The following THSD4 variants were observed in gnomAD, a reference collection of about 807,000 sequenced individuals.
THSD4 encodes thrombospondin type 1 domain containing 4.
Under a neutral mutation model 119.0 loss-of-function variants are expected in THSD4, and 69 were observed. That is an observed-to-expected ratio of 0.58 (90% CI 0.48 to 0.71). The LOEUF (loss-of-function observed/expected upper bound fraction) is 0.71, where lower values mean the gene tolerates loss of function less well. THSD4 is among the 30% of genes least tolerant of loss of function. THSD4 has a pLI of 0.00. For missense variants in THSD4, 1,393 were observed against 1,391.1 expected (o/e 1.00, Z -0.02); for synonymous variants, 524 against 540.4 (o/e 0.97, Z 0.42).
chr15:71,268,871 GATAAATTCCTGGATGA>G (rs1426890469), intron 6 of THSD4, among the ~76,000 whole-genome samples: 3 of 152,070 alleles, frequency 2.0e-5, no homozygotes, highest in African/African-American at 7.2e-5. Context: ...AGAAGAAATG[GATAAATTCCTGGATGA>G]ATACACCCTT....
At chr15:71,322,527 T>C (rs1043253336) in intron 6 of THSD4, among the ~76,000 whole-genome samples, 1 of 152,180 alleles carries the variant, frequency 6.6e-6, no homozygotes, top group Non-Finnish European at 1.5e-5. Flanking sequence ...TTCTAAAACC[T>C]AGTGGCTTAA....
At chr15:71,749,004 T>C (rs1243333060) in intron 14 of THSD4, among the ~76,000 whole-genome samples, 1 of 152,176 alleles carries the variant, frequency 6.6e-6, no homozygotes, top group Non-Finnish European at 1.5e-5. Flanking sequence ...CCATGGGAAG[T>C]CTCAGGTGTC....
intron 6 of THSD4, among the ~76,000 whole-genome samples, chr15:71,384,663 A>G (rs145030166): frequency 1.2e-3 from 187 of 152,326 alleles, no homozygotes; most frequent in African/African-American, 4.1e-3. Context: ...CTGCACATCA[A>G]TAGGCTTCCC....
intron 7 of THSD4, among the ~76,000 whole-genome samples, chr15:71,455,734 T>C (rs1458051679): frequency 6.6e-6 from 1 of 152,058 alleles, no homozygotes; most frequent in Non-Finnish European, 1.5e-5. Flanking sequence ...TTAGAAGCAC[T>C]GAGGAGGGGG....
At chr15:71,097,422 A>C (rs1415174702) in intron 1 of THSD4, among the ~76,000 whole-genome samples, 1 of 151,964 alleles carries the variant, frequency 6.6e-6, no homozygotes, top group East Asian at 1.9e-4. Flanking sequence ...AAAATTAGCC[A>C]GACAGTGGTG....
intron 8 of THSD4, among the ~76,000 whole-genome samples, chr15:71,710,219 A>G (rs1567112821): frequency 6.6e-6 from 1 of 152,244 alleles, no homozygotes; most frequent in Non-Finnish European, 1.5e-5. Context: ...GCCCCCCTCC[A>G]TTCCATTCCA....
intron 10 of THSD4, among the ~76,000 whole-genome samples, chr15:71,736,180 A>T (rs968544967): frequency 0.022 from 483 of 22,372 alleles, no homozygotes; most frequent in African/African-American, 0.039. Context: ...TCTCTCTCAC[A>T]CTCTGTCTCT....
At chr15:71,604,818 A>C (rs1034262000) in intron 7 of THSD4, among the ~76,000 whole-genome samples, 3 of 122,706 alleles carry the variant, frequency 2.4e-5, no homozygotes, top group African/African-American at 8.7e-5. Flanking sequence ...AGTGAAAACA[A>C]AAACAAAAAC....
intron 7 of THSD4, among the ~76,000 whole-genome samples, chr15:71,641,537 T>C (rs1177937562): frequency 6.6e-6 from 1 of 152,160 alleles, no homozygotes. Context: ...AGAAAGGTTA[T>C]GCGTCTTGCC....
intron 6 of THSD4, among the ~76,000 whole-genome samples, chr15:71,332,693 C>T (rs972467221): frequency 2.0e-5 from 3 of 151,986 alleles, no homozygotes; most frequent in Non-Finnish European, 4.4e-5. Context: ...TGACAGCAGA[C>T]GTCTCTCTCT....
At chr15:71,151,044 G>A (rs116806863) in intron 2 of THSD4, among the ~76,000 whole-genome samples, 1 of 152,224 alleles carries the variant, frequency 6.6e-6, no homozygotes, top group African/African-American at 2.4e-5. Flanking sequence ...TATGTGAGAC[G>A]GTAAATGCTA....
At position 71,211,431 on chromosome 15, in the gene THSD4, G is replaced by C. The variant is rs147712290; in HGVS notation, c.100-3604G>C. Among the ~76,000 whole-genome samples the C allele has an allele frequency of 4.3e-3, 654 of 152,234 alleles. 3 individuals carry two copies. Among genetic ancestry groups the C allele is most frequent in the African/African-American group, 0.013 (554 of 41,536 alleles). On this transcript the variant is annotated intron_variant, in intron 3 of 17. Coordinates refer to ENST00000261862, the MANE Select transcript of THSD4 (RefSeq NM_024817.3). ...CCTTCTCCCTGTGTTCTCATATGGT[G>C]GGGTGGGGAGTGGGGCTAAGAGAGA...
chr15:71,764,125 G>C (rs1412206056), intron 15 of THSD4, among the ~76,000 whole-genome samples: 2 of 150,320 alleles, frequency 1.3e-5, no homozygotes, highest in African/African-American at 4.9e-5. Flanking sequence ...GCACACCTGT[G>C]GTCCCAGCTA....
intron 8 of THSD4, among the ~76,000 whole-genome samples, chr15:71,700,032 A>G (rs1356479101): frequency 1.3e-5 from 2 of 152,228 alleles, no homozygotes; most frequent in Non-Finnish European, 2.9e-5. Flanking sequence ...GAAACAAGAG[A>G]GCCAATCCTA....
At chr15:71,442,576 A>G (rs2047113605) in intron 7 of THSD4, among the ~76,000 whole-genome samples, 1 of 60,768 alleles carries the variant, frequency 1.6e-5, no homozygotes, top group Admixed American at 2.1e-4. Flanking sequence ...CTCAAAAAAA[A>G]AAAATATATA....
At chr15:71,472,091 G>A (rs1209159883) in intron 7 of THSD4, among the ~76,000 whole-genome samples, 1 of 151,978 alleles carries the variant, frequency 6.6e-6, no homozygotes, top group Non-Finnish European at 1.5e-5. Context: ...AATTTTTAAA[G>A]CTTTTTGTAG....
At chr15:71,189,866 G>C (rs951983842) in intron 3 of THSD4, among the ~76,000 whole-genome samples, 2 of 152,156 alleles carry the variant, frequency 1.3e-5, no homozygotes, top group Non-Finnish European at 2.9e-5. Context: ...GGAGGCCTCT[G>C]GTGGGCCTAA....
At chr15:71,400,834 GA>G (rs111507067) in intron 6 of THSD4, among the ~76,000 whole-genome samples, 1,629 of 130,482 alleles carry the variant, frequency 0.012, 11 homozygotes, top group African/African-American at 0.023. Flanking sequence ...CACAAAAAAA[GA>G]AAAAAAAAAA....
chr15:71,162,586 T>A (rs2043257577), intron 3 of THSD4, among the ~76,000 whole-genome samples: 1 of 152,074 alleles, frequency 6.6e-6, no homozygotes, highest in South Asian at 2.1e-4. Context: ...TTTGGCAGTT[T>A]GTTTATAATG....
Sources: allele counts gnomAD v4.1 joint callset (sites outside exome capture counted in the v4.1 genomes callset), GRCh38; gene constraint gnomAD v4.1.1; transcripts MANE v1.5; gene names NCBI Gene and HGNC (gene_info 2026-07-23, HGNC 2026-07-21).